Variants in HPS5 observed in about 807,000 individuals in gnomAD.
HPS5 encodes the protein HPS5 biogenesis of lysosomal organelles complex 2 subunit 2.
Under a neutral mutation model 128.0 loss-of-function variants are expected in HPS5, and 83 were observed. The observed-to-expected ratio is 0.65, with a 90% CI of 0.54 to 0.78. The LOEUF (loss-of-function observed/expected upper bound fraction) is 0.78. Ranked by LOEUF, HPS5 falls within the 30% of genes least tolerant of loss-of-function variation. The pLI, the probability that HPS5 is intolerant of heterozygous loss-of-function variation, is 0.00. For synonymous variants in HPS5, 475 were observed against 470.2 expected (o/e 1.01, Z -0.13); for missense variants, 1,281 against 1,326.2 (o/e 0.97, Z 0.53).
chr11:18,297,408 C>T, intron 11 of HPS5, 151 bp downstream of exon 11: 1 of 679,854 alleles, frequency 1.5e-6, no homozygotes, highest in Non-Finnish European at 2.6e-6. Flanking sequence ...CTTCACAGAG[C>T]TGAGCCACTA....
intron 8 of HPS5, among the ~76,000 whole-genome samples, chr11:18,301,319 G>A (rs954574322): frequency 6.6e-6 from 1 of 151,968 alleles, no homozygotes; most frequent in Non-Finnish European, 1.5e-5. Context: ...AGCCGGGCAT[G>A]GTGACATGCG....
chr11:18,292,970 T>C lies in HPS5; in HGVS notation c.1791A>G (p.Glu597=). 1 of 1,613,546 alleles carries C rather than the reference T, an allele frequency of 6.2e-7. No homozygotes were observed. The highest frequency in any genetic ancestry group is 2.2e-5 in the East Asian group (1 of 44,874). The part of the protein sequence containing the change: ...TCPKEEDTEE[E]KEVTSPPPEE... ...CTGGAGGTGGACTAGTTACCTCTTTTTCCTCCCTAAAAAAGTGTGCAAAAT... is the reference window on the plus strand; with the variant it reads ...CTGGAGGTGGACTAGTTACCTCTTTCTCCTCCCTAAAAAAGTGTGCAAAAT... The change falls in exon 15 of 23, where the codon GAA becomes GAG. Residue 597 remains glutamate, a synonymous_variant. Coordinates refer to ENST00000349215, the MANE Select transcript of HPS5 (RefSeq NM_181507.2).
At chr11:18,294,784 G>A (rs1860848684) in intron 14 of HPS5, among the ~76,000 whole-genome samples, 1 of 151,868 alleles carries the variant, frequency 6.6e-6, no homozygotes, top group African/African-American at 2.4e-5. Flanking sequence ...GAATTGTCTT[G>A]GGCCACACAT....
chr11:18,306,000 G>C, intron 7 of HPS5, 135 bp downstream of exon 7: 1 of 729,562 alleles, frequency 1.4e-6, no homozygotes, highest in Non-Finnish European at 2.4e-6. Flanking sequence ...CCAAAGTGCT[G>C]GGATTACAGG....
Position 18,306,196 on chromosome 11 carries a change from T to C in HPS5, c.763A>G (p.Ile255Val), listed in dbSNP as rs749667948. 3 of 1,614,136 alleles carry C rather than the reference T, an allele frequency of 1.9e-6. No individual in the cohort carries two copies. Among genetic ancestry groups the C allele is most frequent in the East Asian group, 2.2e-5 (1 of 44,888 alleles). Residue 255 changes from isoleucine (I) to valine (V), a missense_variant, in exon 7 of 23, where the codon ATA (isoleucine) becomes GTA (valine). Ile to Val is a conservative substitution (Grantham distance 29). Transcript: ENST00000349215. ...MWEVNFDGEV[I>V]STHQFKKLLS... ...AGTTTCTTGAACTGATGTGTACTTA[T>C]AACTTCTCCATCAAAGTTCACTTCC... is the stretch of plus-strand genomic sequence containing the variant.
At position 18,317,802 on chromosome 11, in the gene HPS5, T is replaced by A. The variant is rs1264653425; in HGVS notation, c.57A>T (p.Glu19Asp). 1.2e-6 allele frequency: 2 copies of A among 1,613,724 alleles called. No individual in the cohort carries two copies. Among genetic ancestry groups the A allele is most frequent in the African/African-American group, 2.7e-5 (2 of 74,880 alleles). Residue 19 changes from glutamate to aspartate, a missense_variant, in exon 2 of 23, where the codon GAA becomes GAT. Glu to Asp is a conservative substitution (Grantham distance 45, BLOSUM62 2). Transcript: ENST00000349215. ...GGGCTGAGAGTAATGGATCCAGAGA[T>A]TCAAACTCTGCAAGAACATGGCTGT... is the stretch of plus-strand genomic sequence containing the variant. ...ESYSHVLAEF[E>D]SLDPLLSALR...
chr11:18,300,931 G>C lies in HPS5; in HGVS notation c.897-15C>G. 6.8e-7 allele frequency: 1 copy of C among 1,475,748 alleles called. No individual in the cohort carries two copies. Among genetic ancestry groups the C allele is most frequent in the East Asian group, 2.3e-5 (1 of 44,182 alleles). 91.4% of individuals were successfully genotyped at this position (1,475,748 alleles called of 1,614,324 possible). A position where few individuals can be genotyped will look rare whatever the true frequency, so the allele number is the denominator to read the frequency against. On this transcript the variant is annotated splice_polypyrimidine_tract_variant and intron_variant, in intron 8 of 22. Coordinates refer to ENST00000349215, the MANE Select transcript of HPS5 (RefSeq NM_181507.2). Reference sequence around the variant, plus strand: ...CACAATGCTCACTGCAAGAGAAGAAGTGAAGAGAATTCAAGTGTGCTAGGA... The same window carrying C: ...CACAATGCTCACTGCAAGAGAAGAACTGAAGAGAATTCAAGTGTGCTAGGA...
At chr11:18,312,878 G>A (rs1412564011) in intron 2 of HPS5, among the ~76,000 whole-genome samples, 1 of 152,176 alleles carries the variant, frequency 6.6e-6, no homozygotes, top group Non-Finnish European at 1.5e-5. Context: ...ACTAAACCCA[G>A]AACACTAACC....
In HPS5 at chr11:18,297,552, T is replaced by C; in HGVS notation, c.1323+7A>G. ...CTACAAAATCCTTTAAAGGTGAGAA[T>C]ACTTACATGTGATGAAATGGAGCTT... On this transcript the variant is annotated splice_region_variant and intron_variant, in intron 11 of 22. Coordinates refer to ENST00000349215, the MANE Select transcript of HPS5 (RefSeq NM_181507.2). The C allele has an allele frequency of 2.5e-6, 4 of 1,612,636 alleles. No individual in the cohort carries two copies. The highest frequency in any genetic ancestry group is 3.4e-6 in the Non-Finnish European group (4 of 1,179,140).
At position 18,291,513 on chromosome 11, in the gene HPS5, G is replaced by A. The variant is rs200872830; in HGVS notation, c.2369C>T (p.Ala790Val). 8.9e-5 allele frequency: 143 copies of A among 1,611,756 alleles called. No individual in the cohort carries two copies. Among genetic ancestry groups the A allele is most frequent in the South Asian group, 7.1e-4 (64 of 90,610 alleles). The stretch of plus-strand genomic sequence containing the variant: ...GTAACTAAGCTTGATACTCTCCTTC[G>A]CTCTTTTCAAGTTCAGGAGAAAAAA... ...KYFFLLNLKRAKESIKLSYSN... is the reference protein window; with the variant it reads ...KYFFLLNLKRVKESIKLSYSN... Residue 790 changes from alanine to valine, a missense_variant, in exon 16 of 23, where the codon GCG becomes GTG. Coordinates refer to ENST00000349215, the MANE Select transcript of HPS5 (RefSeq NM_181507.2).
intron 1 of HPS5, among the ~76,000 whole-genome samples, chr11:18,320,460 G>C (rs779018325): frequency 5.3e-5 from 8 of 152,274 alleles, no homozygotes; most frequent in Middle Eastern, 3.4e-3. Flanking sequence ...GTCCTCCAAA[G>C]GGCTCACTAT....
At chr11:18,307,464 T>A (rs1862501552) in intron 6 of HPS5, among the ~76,000 whole-genome samples, 1 of 152,202 alleles carries the variant, frequency 6.6e-6, no homozygotes, top group Admixed American at 6.5e-5. Flanking sequence ...TAAAATATAT[T>A]TCTTCATTTT....
At chr11:18,283,169 T>C (rs1334409144) in intron 21 of HPS5, among the ~76,000 whole-genome samples, 1 of 152,060 alleles carries the variant, frequency 6.6e-6, no homozygotes, top group Non-Finnish European at 1.5e-5. Flanking sequence ...GCCCAGTTAA[T>C]TTTTGTATTT....
chr11:18,313,184 T>A (rs1267255711), intron 2 of HPS5, among the ~76,000 whole-genome samples: 1 of 152,152 alleles, frequency 6.6e-6, no homozygotes, highest in East Asian at 1.9e-4. Flanking sequence ...CATAGTTCTT[T>A]GAATTCCAAG....
chr11:18,292,764 A>AAGACCATTT, intron 15 of HPS5, 135 bp downstream of exon 15: 1 of 749,704 alleles, frequency 1.3e-6, no homozygotes, highest in Admixed American at 2.1e-5. Flanking sequence ...AATAAAAGGA[A>AAGACCATTT]AGACCATTTA....
intron 7 of HPS5, 68 bp from the exon 8 acceptor site, chr11:18,305,561 C>A: frequency 7.9e-7 from 1 of 1,263,920 alleles, no homozygotes. Flanking sequence ...ACACTTTTCC[C>A]AATATAGGGA....
chr11:18,311,386 C>T lies in HPS5; in HGVS notation c.284+1G>A. 6.3e-7 allele frequency: 1 copy of T among 1,596,076 alleles called. No individual in the cohort carries two copies. The highest frequency in any genetic ancestry group is 1.1e-5 in the South Asian group (1 of 90,580). Reference sequence around the variant, plus strand: ...CAGATAGTTTTGGAACAGATTCTTACCTGGTAGCTACAGCAACATAATCAT... The same window carrying T: ...CAGATAGTTTTGGAACAGATTCTTATCTGGTAGCTACAGCAACATAATCAT... On this transcript the variant is annotated splice_donor_variant, in intron 4 of 22. Transcript: ENST00000349215. LOFTEE classifies it high-confidence loss of function.
chr11:18,312,099 C>G, intron 2 of HPS5, 75 bp from the exon 3 acceptor site: 6 of 1,167,910 alleles, frequency 5.1e-6, no homozygotes. Context: ...AAAATAAATA[C>G]TGAGGATTTA....
intron 4 of HPS5, 50 bp from the exon 5 acceptor site, chr11:18,310,983 C>A: frequency 7.1e-7 from 1 of 1,409,012 alleles, no homozygotes; most frequent in South Asian, 1.2e-5. Context: ...GAACAAGGTA[C>A]AATTTTGTTG....
Sources: gnomAD v4.1 joint callset for allele counts (sites outside exome capture counted in the v4.1 genomes callset) on GRCh38, gnomAD v4.1.1 for gene constraint, MANE v1.5 for transcripts, NCBI Gene and HGNC (gene_info 2026-07-23, HGNC 2026-07-21) for gene names.